Variants in CCND3 observed in about 807,000 individuals in gnomAD.
CCND3 encodes the protein cyclin D3, also known as G1/S-specific cyclin-D3.
In CCND3, 9 loss-of-function variants were observed where a neutral mutation model predicts 28.7. That is an observed-to-expected ratio of 0.31 (90% CI 0.19 to 0.55). CCND3 has a LOEUF of 0.55. Ranked by LOEUF, CCND3 falls within the 20% of genes least tolerant of loss-of-function variation. CCND3 has a pLI of 0.93. For synonymous variants in CCND3, 164 were observed against 163.9 expected, an observed-to-expected ratio of 1.00 and a Z score of 0.00; for missense variants, 315 against 385.8, an observed-to-expected ratio of 0.82 and a Z score of 1.54.
At chr6:41,970,213 C>A (rs1471430448) in intron 1 of CCND3, among the ~76,000 whole-genome samples, 1 of 152,126 alleles carries the variant, frequency 6.6e-6, no homozygotes, top group Non-Finnish European at 1.5e-5. Flanking sequence ...GTGGCACGTG[C>A]CTGTAGTCCC....
chr6:41,991,652 T>C (rs954872304), intron 1 of CCND3, among the ~76,000 whole-genome samples: 29 of 152,212 alleles, frequency 1.9e-4, no homozygotes, highest in African/African-American at 6.8e-4. Context: ...TATTCTTAAC[T>C]GTAGTCATTC....
intron 1 of CCND3, among the ~76,000 whole-genome samples, chr6:41,984,830 T>C (rs1268535770): frequency 6.6e-6 from 1 of 152,208 alleles, no homozygotes; most frequent in Non-Finnish European, 1.5e-5. Flanking sequence ...GATACCTCAT[T>C]GTGATGTTAA....
intron 1 of CCND3, among the ~76,000 whole-genome samples, chr6:41,997,795 G>A (rs888733989): frequency 2.0e-5 from 3 of 151,912 alleles, no homozygotes; most frequent in Non-Finnish European, 2.9e-5. Flanking sequence ...CCATGGGGAT[G>A]TAGAGATTAA....
At chr6:41,986,089 A>C (rs933870203) in intron 1 of CCND3, among the ~76,000 whole-genome samples, 2 of 151,968 alleles carry the variant, frequency 1.3e-5, no homozygotes, top group Admixed American at 6.6e-5. Context: ...ATTGACCATA[A>C]ATGTGTGGAC....
At position 42,048,327 on chromosome 6, in the gene CCND3, A is replaced by G. The variant is rs9394856; in HGVS notation, c.-46+174T>C. 33,898 of 326,576 alleles carry G rather than the reference A, an allele frequency of 0.1. 2,122 individuals are homozygous for G. Among genetic ancestry groups the G allele is most frequent in the East Asian group, 0.23 (2,274 of 9,912 alleles). The allele number at this position is 326,576 out of a possible 1,614,324, so 20.2% of individuals were successfully genotyped here. On this transcript the variant is annotated intron_variant, in intron 1 of 4. Coordinates refer to the CCND3 transcript ENST00000372988. This position sits in a 1 kb window ranked among gnomAD's most constrained non-coding sequence, Gnocchi z 4.7. ...CCTTTGGGGGTTTCTCTGCCCTTCAATTCCGTGCAGAACACCTCACTCAGT... is the reference window on the plus strand; with the variant it reads ...CCTTTGGGGGTTTCTCTGCCCTTCAGTTCCGTGCAGAACACCTCACTCAGT...
chr6:41,975,006 C>T (rs1306326628), intron 1 of CCND3, among the ~76,000 whole-genome samples: 2 of 151,902 alleles, frequency 1.3e-5, no homozygotes, highest in Non-Finnish European at 2.9e-5. Flanking sequence ...GTTGGCCAGG[C>T]TCGTCTCAAA....
chr6:42,043,304 G>A (rs1439375936), intron 1 of CCND3, among the ~76,000 whole-genome samples: 4 of 152,244 alleles, frequency 2.6e-5, no homozygotes, highest in Non-Finnish European at 5.9e-5. Context: ...TCGGGAGGCC[G>A]AGGCGGATGG....
upstream of CCND3, among the ~76,000 whole-genome samples, chr6:41,944,635 T>G (rs1776124842): frequency 6.6e-6 from 1 of 152,132 alleles, no homozygotes; most frequent in Non-Finnish European, 1.5e-5. Context: ...TTGGCCAGGC[T>G]GGTCTCGAAC....
rs1764624111 is a variant in CCND3, at chr6:42,048,728, G to GT, written c.-274_-273insA. 1 of 505,420 alleles carries GT rather than the reference G, an allele frequency of 2.0e-6. No homozygotes were observed. The highest frequency in any genetic ancestry group is 2.0e-5 in the Admixed American group (1 of 49,064). 31.3% of individuals were successfully genotyped at this position (505,420 alleles called of 1,614,324 possible). ...GCGCCGCCGATCCAGAGCTGGGCAG[G>GT]AAGTGGGGAAGAGGGGGCGGAGGAG... On this transcript the variant is annotated 5_prime_UTR_variant, in exon 1 of 5. Coordinates refer to the CCND3 transcript ENST00000372988. The surrounding 1 kb of genome is among the most constrained non-coding windows in gnomAD (Gnocchi z 4.7).
intron 1 of CCND3, among the ~76,000 whole-genome samples, chr6:42,039,031 C>CACCA (rs1170110214): frequency 1.3e-5 from 2 of 152,178 alleles, no homozygotes; most frequent in Non-Finnish European, 2.9e-5. Context: ...CTGGAAGAGA[C>CACCA]ACCAACCAAC....
chr6:41,981,789 G>GCTGGGATTACAGGC (rs1762356403), intron 1 of CCND3, among the ~76,000 whole-genome samples: 2 of 151,826 alleles, frequency 1.3e-5, no homozygotes, highest in Non-Finnish European at 2.9e-5. Context: ...CTCCCAAAGT[G>GCTGGGATTACAGGC]CTGGGATTAC....
At chr6:41,947,362 T>C (rs537682196) in intron 1 of CCND3, among the ~76,000 whole-genome samples, 2 of 152,354 alleles carry the variant, frequency 1.3e-5, no homozygotes, top group Non-Finnish European at 2.9e-5. Context: ...GGCTGCCTTC[T>C]TGGCAACACC....
intron 1 of CCND3, among the ~76,000 whole-genome samples, chr6:41,986,941 T>C (rs935988973): frequency 6.6e-6 from 1 of 152,072 alleles, no homozygotes; most frequent in Non-Finnish European, 1.5e-5. Flanking sequence ...GCCACTGCAT[T>C]GTAGAGATTC....
Position 41,935,869 on chromosome 6 carries a change from C to A in CCND3, c.*71G>T. On this transcript the variant is annotated 3_prime_UTR_variant, in exon 5 of 5. Coordinates refer to ENST00000372991, the MANE Select transcript of CCND3 (RefSeq NM_001760.5). ...TTCAGGCTTAGATGTGGTGTGGTTC[C>A]TGGAGGCAGGGAGGTGGGTGGCAGC... 7.0e-7 allele frequency: 1 copy of A among 1,431,962 alleles called. No individual in the cohort carries two copies. Among genetic ancestry groups the A allele is most frequent in the Non-Finnish European group, 9.6e-7 (1 of 1,038,590 alleles). 88.7% of individuals were successfully genotyped at this position (1,431,962 alleles called of 1,614,324 possible).
intron 1 of CCND3, among the ~76,000 whole-genome samples, chr6:41,970,979 G>A (rs751730909): frequency 4.6e-5 from 7 of 151,654 alleles, no homozygotes; most frequent in South Asian, 2.1e-4. Context: ...GTGCAGTGGC[G>A]CGATCTTGAC....
intron 1 of CCND3, among the ~76,000 whole-genome samples, chr6:42,037,172 C>T (rs942123793): frequency 6.6e-6 from 1 of 151,864 alleles, no homozygotes; most frequent in Non-Finnish European, 1.5e-5. Context: ...GATCTCCTGA[C>T]CTCGTGATCC....
At chr6:41,940,326 G>C (rs1281406154) in intron 2 of CCND3, 44 bp downstream of exon 2, 1 of 1,504,426 alleles carries the variant, frequency 6.6e-7, no homozygotes, top group Non-Finnish European at 9.3e-7. Flanking sequence ...CCTGGAAAGT[G>C]GGGAGACAAT....
At chr6:42,037,141 T>C (rs982589485) in intron 1 of CCND3, among the ~76,000 whole-genome samples, 2 of 152,092 alleles carry the variant, frequency 1.3e-5, no homozygotes, top group African/African-American at 2.4e-5. Context: ...AGGGTTTCAC[T>C]GTGTTAGCCA....
rs757191519 is a variant in CCND3 at position 41,935,900 on chromosome 6, C to G, written c.*40G>C. The G allele has an allele frequency of 3.8e-6, 6 of 1,571,752 alleles. No individual in the cohort carries two copies. The highest frequency in any genetic ancestry group is 2.3e-5 in the East Asian group (1 of 43,618). On this transcript the variant is annotated 3_prime_UTR_variant, in exon 5 of 5. Coordinates refer to ENST00000372991, the MANE Select transcript of CCND3 (RefSeq NM_001760.5). ...GCAGGGAGGTGGGTGGCAGCGGCCC[C>G]TCCTCTGCTTAGTGGCCACTCCAGA...
Sources: allele counts gnomAD v4.1 joint callset (sites outside exome capture counted in the v4.1 genomes callset), GRCh38; gene constraint gnomAD v4.1.1; non-coding constraint Gnocchi (gnomAD v3.1); transcripts MANE v1.5; gene names NCBI Gene and HGNC (gene_info 2026-07-23, HGNC 2026-07-21).